The following CHD9 variants were observed in gnomAD, a reference collection of about 807,000 sequenced individuals.
The protein encoded by CHD9 is chromodomain helicase DNA binding protein 9, also known as ATP-dependent chromatin remodeler CHD9.
In CHD9, 77 loss-of-function variants were observed where a neutral mutation model predicts 316.1. The observed-to-expected ratio is 0.24, with a 90% CI of 0.20 to 0.29. The LOEUF (loss-of-function observed/expected upper bound fraction) is 0.29, where lower values mean the gene tolerates loss of function less well. Among genes scored for constraint, CHD9 ranks in the 10% least tolerant of loss-of-function variants. The probability of loss-of-function intolerance (pLI) is 1.00; values close to 1 mark genes in which losing one functional copy is unlikely to be tolerated. For synonymous variants in CHD9, 1,129 were observed against 1,158.3 expected, an observed-to-expected ratio of 0.97 and a Z score of 0.51; for missense variants, 2,763 against 3,438.1, an observed-to-expected ratio of 0.80 and a Z score of 4.91.
At chr16:53,104,446 G>T (rs893685926) in intron 1 of CHD9, among the ~76,000 whole-genome samples, 3 of 152,158 alleles carry the variant, frequency 2.0e-5, no homozygotes, top group African/African-American at 7.2e-5. Context: ...TCACCCTGGA[G>T]GAGAGATTCT....
chr16:53,219,030 T>C (rs1159637823), intron 3 of CHD9, among the ~76,000 whole-genome samples: 1 of 152,132 alleles, frequency 6.6e-6, no homozygotes, highest in Non-Finnish European at 1.5e-5. Context: ...AGGCGGTTCG[T>C]ACTGGGAGAG....
In CHD9 at chr16:53,326,269, G is replaced by T. The variant is rs1277998002; in HGVS notation, c.*1374G>T. 6.6e-6 allele frequency: 1 copy of T among 152,410 alleles called. No individual in the cohort carries two copies. Among genetic ancestry groups the T allele is most frequent in the Non-Finnish European group, 1.5e-5 (1 of 67,908 alleles). The allele number at this position is 152,410 out of a possible 1,614,324, so 9.4% of individuals were successfully genotyped here. ...GTACTGAATTGGACATAAAAATATT[G>T]ACATTCTAAGGAGAGATATATGTTA... On this transcript the variant is annotated 3_prime_UTR_variant, in exon 39 of 39. Transcript: ENST00000447540.
chr16:53,118,786 T>A (rs1272462817), intron 1 of CHD9, among the ~76,000 whole-genome samples: 8 of 148,082 alleles, frequency 5.4e-5, no homozygotes, highest in Non-Finnish European at 1.0e-4. Context: ...ATAAAAAAGA[T>A]AACTTTCTTT....
At chr16:53,255,930 C>T (rs1157225156) in intron 19 of CHD9, among the ~76,000 whole-genome samples, 151 bp downstream of exon 19, 1 of 152,002 alleles carries the variant, frequency 6.6e-6, no homozygotes, top group African/African-American at 2.4e-5. Context: ...TTTTCTGATC[C>T]CTTATGTTAA....
chr16:53,179,430 A>C (rs1444003031), intron 2 of CHD9, among the ~76,000 whole-genome samples: 1 of 152,132 alleles, frequency 6.6e-6, no homozygotes, highest in Non-Finnish European at 1.5e-5. Flanking sequence ...CATGTTTATT[A>C]ATTGTTAACC....
At chr16:53,090,481 A>G (rs2035840643) in intron 1 of CHD9, among the ~76,000 whole-genome samples, 1 of 152,220 alleles carries the variant, frequency 6.6e-6, no homozygotes, top group South Asian at 2.1e-4. Context: ...ATCTCTCTGC[A>G]CATCAGTCGA....
chr16:53,065,638 TAAAAAAAAAA>T (rs68025976), intron 1 of CHD9, among the ~76,000 whole-genome samples: 1 of 103,410 alleles, frequency 9.7e-6, no homozygotes, highest in African/African-American at 3.9e-5. Context: ...TGTCTTAAAT[TAAAAAAAAAA>T]AAAAAAAAAA....
rs2041522557 is a variant in CHD9 at position 53,156,407 on chromosome 16, T to C, written c.318T>C (p.His106=). Residue 106 remains histidine, a synonymous_variant, in exon 2 of 39, where the codon CAT becomes CAC. Coordinates refer to ENST00000447540, the MANE Select transcript of CHD9 (RefSeq NM_001308319.2). ...PHSQFNCSPI[H]PQNQPNGLFP... is the part of the protein sequence containing the mutation. The stretch of plus-strand genomic sequence containing the variant: ...CTCAGTTTAATTGTTCTCCAATCCA[T>C]CCCCAAAACCAACCCAATGGTTTGT... 6.2e-7 allele frequency: 1 copy of C among 1,614,024 alleles called. No homozygotes were observed. The highest frequency in any genetic ancestry group is 1.7e-5 in the Admixed American group (1 of 60,024).
chr16:53,131,791 G>A (rs2039340008), intron 1 of CHD9, among the ~76,000 whole-genome samples: 1 of 152,290 alleles, frequency 6.6e-6, no homozygotes, highest in South Asian at 2.1e-4. Context: ...CGGAGCACGG[G>A]ACGTCCCCGG....
At chr16:53,228,036 A>G (rs2047804260) in intron 7 of CHD9, among the ~76,000 whole-genome samples, 1 of 152,030 alleles carries the variant, frequency 6.6e-6, no homozygotes, top group African/African-American at 2.4e-5. Flanking sequence ...CTGTGAGCCG[A>G]GATCGTGCCA....
chr16:53,130,682 G>A (rs1337922756), intron 1 of CHD9, among the ~76,000 whole-genome samples: 1 of 151,708 alleles, frequency 6.6e-6, no homozygotes, highest in African/African-American at 2.4e-5. Context: ...CGGCGCGGCG[G>A]GGCCATGTTG....
chr16:53,171,296 G>A (rs1298747399), intron 2 of CHD9, among the ~76,000 whole-genome samples: 1 of 152,116 alleles, frequency 6.6e-6, no homozygotes, highest in Non-Finnish European at 1.5e-5. Flanking sequence ...GCGGGCGCCT[G>A]TAGTCCCAGC....
At chr16:53,188,270 A>G (rs117490178) in intron 2 of CHD9, among the ~76,000 whole-genome samples, 1,560 of 152,342 alleles carry the variant, frequency 0.01, 19 homozygotes, top group Middle Eastern at 0.071. Flanking sequence ...CTTCTTGGCC[A>G]TTATGAATGA....
intron 3 of CHD9, among the ~76,000 whole-genome samples, chr16:53,215,225 T>TATC: frequency 6.6e-6 from 1 of 152,108 alleles, no homozygotes; most frequent in Non-Finnish European, 1.5e-5. Context: ...CAACAATACA[T>TATC]ATCTGTTAAG....
intron 27 of CHD9, among the ~76,000 whole-genome samples, chr16:53,289,328 G>A (rs1047839012): frequency 1.1e-4 from 16 of 152,132 alleles, no homozygotes; most frequent in Admixed American, 1.0e-3. Flanking sequence ...GGTAAGGTGG[G>A]AGGATCACTT....
At chr16:53,247,598 C>T in intron 16 of CHD9, 95 bp downstream of exon 16, 1 of 838,466 alleles carries the variant, frequency 1.2e-6, no homozygotes, top group South Asian at 1.7e-5. Flanking sequence ...TCATATCTTT[C>T]TCTTTGCTAG....
chr16:53,169,031 G>T (rs2042482409), intron 2 of CHD9, among the ~76,000 whole-genome samples: 1 of 152,144 alleles, frequency 6.6e-6, no homozygotes, highest in African/African-American at 2.4e-5. Flanking sequence ...GAGCTTCTTG[G>T]TGAAACCCTG....
rs374397670 is a variant in CHD9 at position 53,293,452 on chromosome 16, C to CA, written c.5510+406dup. ...CAACAAAGCAAGACCCTCATCTCTA[C>CA]AAAAAATGCAAAAATTAGCCAGGTG... On this transcript the variant is annotated intron_variant, in intron 29 of 38. Coordinates refer to ENST00000447540, the MANE Select transcript of CHD9 (RefSeq NM_001308319.2). Among the ~76,000 whole-genome samples, 465 of 151,072 alleles carry CA rather than the reference C, an allele frequency of 3.1e-3. 5 individuals carry two copies. The highest frequency in any genetic ancestry group is 0.011 in the African/African-American group (449 of 41,064).
intron 8 of CHD9, among the ~76,000 whole-genome samples, chr16:53,229,769 C>T (rs1480460914): frequency 6.6e-6 from 1 of 152,152 alleles, no homozygotes; most frequent in Non-Finnish European, 1.5e-5. Context: ...CATACACACA[C>T]GTATTTTTCT....
Sources: allele counts gnomAD v4.1 joint callset (sites outside exome capture counted in the v4.1 genomes callset), GRCh38; gene constraint gnomAD v4.1.1; transcripts MANE v1.5; gene names NCBI Gene and HGNC (gene_info 2026-07-23, HGNC 2026-07-21).